Variants in IDUA observed in about 807,000 individuals in gnomAD.
IDUA encodes iduronidase alpha-L-.
A neutral mutation model predicts 68.9 loss-of-function variants in IDUA; 65 were observed. The observed-to-expected ratio is 0.94, with a 90% confidence interval of 0.77 to 1.16. The LOEUF is 1.16. IDUA is among the 50% of genes most tolerant of loss of function. The pLI, the probability that IDUA is intolerant of heterozygous loss-of-function variation, is 0.00. For missense variants in IDUA, 1,046 were observed against 938.0 expected (o/e 1.12, Z -1.50); for synonymous variants, 529 against 433.6 (o/e 1.22, Z -2.73).
chr4:994,873 G>C (rs1560541656), intron 2 of IDUA, among the ~76,000 whole-genome samples: 1 of 152,088 alleles, frequency 6.6e-6, no homozygotes, highest in South Asian at 2.1e-4. Flanking sequence ...CTGCCATGAG[G>C]TATGATTAGG....
In IDUA at chr4:1,002,399, G is replaced by A. The variant is rs781149866; in HGVS notation, c.1103G>A (p.Arg368His). ...TTCGCGCAGCGCACGCTCACCGCGCGCTTCCAGGTCAACAACACCCGCCCG... is the reference window on the plus strand; with the variant it reads ...TTCGCGCAGCGCACGCTCACCGCGCACTTCCAGGTCAACAACACCCGCCCG... ...HPFAQRTLTARFQVNNTRPPH... is the reference protein window; with the variant it reads ...HPFAQRTLTAHFQVNNTRPPH... Residue 368 changes from arginine to histidine, a missense_variant, in exon 8 of 14, where the codon CGC becomes CAC. Transcript: ENST00000514224. The A allele has an allele frequency of 8.1e-6, 13 of 1,600,534 alleles. No individual in the cohort carries two copies. The highest frequency in any genetic ancestry group is 4.5e-5 in the South Asian group (4 of 89,594).
chr4:998,996 A>C (rs543975905), intron 2 of IDUA, among the ~76,000 whole-genome samples: 11 of 152,040 alleles, frequency 7.2e-5, no homozygotes, highest in Admixed American at 1.3e-4. Context: ...CGAGGTCAGG[A>C]AATGGAAACC....
chr4:987,298 CCCCTGACTGCGCACT>C, intron 1 of IDUA, 56 bp downstream of exon 1: 1 of 1,453,104 alleles, frequency 6.9e-7, no homozygotes, highest in East Asian at 2.7e-5. Flanking sequence ...GCTCGGGCGC[CCCCTGACTGCGCACT>C]GTGAGAGCTT....
chr4:1,003,607 A>G lies in IDUA; in HGVS notation c.1709A>G (p.Asp570Gly), dbSNP rs753905054. Residue 570 changes from aspartate (D) to glycine (G), a missense_variant, in exon 12 of 14, where the codon GAT becomes GGT. By Grantham distance (94) the Asp-to-Gly change is moderately conservative. Transcript: ENST00000514224. ...TQGQLVLVWS[D>G]EHVGSKCLWT... ...GGGCAGCTGGTTCTGGTCTGGTCGG[A>G]TGAACACGTGGGCTCCAAGTGCGTG... 5.6e-6 allele frequency: 9 copies of G among 1,612,122 alleles called. No homozygotes were observed. In the African/African-American group the frequency reaches 1.1e-4, roughly 19 times the overall value.
intron 10 of IDUA, 80 bp downstream of exon 10, chr4:1,003,237 G>A: frequency 1.5e-6 from 2 of 1,293,186 alleles, no homozygotes; most frequent in Middle Eastern, 2.9e-4. Context: ...GGGCTCCGAG[G>A]CGGTGTGGGT....
chr4:988,955 A>C, intron 2 of IDUA: 1 of 1,596,380 alleles, frequency 6.3e-7, no homozygotes, highest in Non-Finnish European at 8.5e-7. Context: ...TCCCCGAGGA[A>C]GCCTCCTCTG....
chr4:1,002,756 T>C lies in IDUA; in HGVS notation c.1214T>C (p.Val405Ala). The change falls in exon 9 of 14, where the codon GTG (valine) becomes GCG (alanine). Residue 405 changes from valine to alanine, a missense_variant. Physicochemically the swap from Val to Ala is moderately conservative, Grantham distance 64. Coordinates refer to ENST00000514224, the MANE Select transcript of IDUA (RefSeq NM_000203.5). ...GATGAGGAGCAGCTCTGGGCCGAAG[T>C]GTCGCAGGCCGGGACCGTCCTGGAC... ...LLDEEQLWAE[V>A]SQAGTVLDSN... 6.8e-7 allele frequency: 1 copy of C among 1,480,768 alleles called. No individual in the cohort carries two copies. Among genetic ancestry groups the C allele is most frequent in the Non-Finnish European group, 8.9e-7 (1 of 1,121,480 alleles). The allele number at this position is 1,480,768 out of a possible 1,614,324, so 91.7% of individuals were successfully genotyped here.
chr4:992,537 G>A (rs1474655033), intron 2 of IDUA, among the ~76,000 whole-genome samples: 1 of 152,234 alleles, frequency 6.6e-6, no homozygotes, highest in Non-Finnish European at 1.5e-5. Flanking sequence ...GCTGGGAGGG[G>A]AGGAGGGTGA....
rs794727896 is a variant in IDUA, at chr4:1,002,459, C to A, written c.1163C>A (p.Thr388Lys). 1.3e-6 allele frequency: 2 copies of A among 1,553,344 alleles called. No homozygotes were observed. Among genetic ancestry groups the A allele is most frequent in the East Asian group, 2.4e-5 (1 of 40,992 alleles). The stretch of plus-strand genomic sequence containing the variant: ...CAGCTGTTGCGCAAGCCGGTGCTCA[C>A]GGCCATGGGGCTGCTGGCGCTGCTG... ...HVQLLRKPVL[T>K]AMGLLALLDE... Residue 388 changes from threonine to lysine, a missense_variant, in exon 8 of 14, where the codon ACG (threonine) becomes AAG (lysine). Coordinates refer to ENST00000514224, the MANE Select transcript of IDUA (RefSeq NM_000203.5).
intron 2 of IDUA, chr4:991,061 C>T (rs897407420): frequency 5.5e-6 from 8 of 1,453,574 alleles, no homozygotes; most frequent in Admixed American, 5.2e-5. Flanking sequence ...GCCTTGCCCT[C>T]GTGGATGGCC....
intron 2 of IDUA, among the ~76,000 whole-genome samples, chr4:995,701 T>C (rs1436001666): frequency 6.6e-6 from 1 of 152,206 alleles, no homozygotes; most frequent in African/African-American, 2.4e-5. Flanking sequence ...CTGACATTGA[T>C]GGGGCACAGC....
chr4:1,003,706 T>G, intron 12 of IDUA, 81 bp downstream of exon 12: 1 of 1,490,982 alleles, frequency 6.7e-7, no homozygotes, highest in Non-Finnish European at 9.3e-7. Flanking sequence ...ATGCGGTCAC[T>G]CGGGCCACTT....
rs1433608644 is a variant in IDUA, at chr4:1,002,153, G to T, written c.964G>T (p.Val322Leu). The stretch of plus-strand genomic sequence containing the variant: ...GGCGGACGTGACCTACGCGGCCATG[G>T]TGGTGAAGGTGGGCCGGCCCAACGC... The part of the protein sequence containing the change: ...WRADVTYAAM[V>L]VKVIAQHQNL... The change falls in exon 7 of 14, where the codon GTG becomes TTG. Residue 322 changes from valine to leucine, a missense_variant. Transcript: ENST00000514224. The T allele has an allele frequency of 1.3e-6, 2 of 1,556,952 alleles. No homozygotes were observed. Among genetic ancestry groups the T allele is most frequent in the Non-Finnish European group, 1.7e-6 (2 of 1,150,642 alleles).
rs548476659 is a variant in IDUA at position 990,215 on chromosome 4, G to T, written c.299+2266G>T. 1.9e-5 allele frequency: 30 copies of T among 1,565,170 alleles called. No individual in the cohort carries two copies. The East Asian group carries it at 6.1e-4, about 32-fold the overall frequency. The stretch of plus-strand genomic sequence containing the variant: ...AGCCATGTGAGGACCACCATGCCGG[G>T]CCCCTGGTGCCGCGGGATCCGCACG... On this transcript the variant is annotated intron_variant, in intron 2 of 13. Transcript: ENST00000514224.
Position 1,001,484 on chromosome 4 carries a change from G to C in IDUA, c.510G>C (p.Ala170=), listed in dbSNP as rs754039388. The change falls in exon 5 of 14, where the codon GCG becomes GCC. Residue 170 remains alanine, a synonymous_variant. Coordinates refer to ENST00000514224, the MANE Select transcript of IDUA (RefSeq NM_000203.5). ...CCTCTGCAGGTAGGTACGGACTGGC[G>C]CATGTTTCCAAGTGGAACTTCGAGA... The part of the protein sequence containing the change: ...ARRYIGRYGL[A]HVSKWNFETW... 2.5e-6 allele frequency: 4 copies of C among 1,613,064 alleles called. No homozygotes were observed. Among genetic ancestry groups the C allele is most frequent in the East Asian group, 2.2e-5 (1 of 44,876 alleles).
intron 2 of IDUA, among the ~76,000 whole-genome samples, chr4:994,749 C>G (rs893340056): frequency 6.8e-6 from 1 of 146,344 alleles, no homozygotes; most frequent in Non-Finnish European, 1.5e-5. Context: ...CCCCTGCCCC[C>G]CAACCTTTAA....
chr4:991,540 G>A (rs1347520778), intron 2 of IDUA: 1 of 1,605,804 alleles, frequency 6.2e-7, no homozygotes, highest in Non-Finnish European at 8.5e-7. Flanking sequence ...GCGCGTGGCG[G>A]GGAGCAGGTC....
chr4:1,004,514 C>T lies in IDUA; in HGVS notation c.*121C>T. ...ATATATTTTTATATTTTATTATTTTCTTTTATATCTTGGTACCAACGCCCC... is the reference window on the plus strand; with the variant it reads ...ATATATTTTTATATTTTATTATTTTTTTTTATATCTTGGTACCAACGCCCC... On this transcript the variant is annotated 3_prime_UTR_variant, in exon 14 of 14. Transcript: ENST00000514224. The surrounding 1 kb of genome is among the most constrained non-coding windows in gnomAD (Gnocchi z 5.0). 1 of 1,044,284 alleles carries T rather than the reference C, an allele frequency of 9.6e-7. No individual in the cohort carries two copies. Among genetic ancestry groups the T allele is most frequent in the Non-Finnish European group, 1.4e-6 (1 of 733,122 alleles). The allele number at this position is 1,044,284 out of a possible 1,614,324, so 64.7% of individuals were successfully genotyped here.
intron 2 of IDUA, chr4:990,768 G>C (rs990831800): frequency 2.6e-6 from 1 of 388,240 alleles, no homozygotes; most frequent in Non-Finnish European, 4.7e-6. Context: ...CAAGGCAGGA[G>C]ACCTTCGGGG....
Sources: gnomAD v4.1 joint callset for allele counts (sites outside exome capture counted in the v4.1 genomes callset) on GRCh38, gnomAD v4.1.1 for gene constraint, Gnocchi (gnomAD v3.1) non-coding constraint, MANE v1.5 for transcripts, NCBI Gene and HGNC (gene_info 2026-07-23, HGNC 2026-07-21) for gene names.